The following KIRREL3 variants were observed in gnomAD, a reference collection of about 807,000 sequenced individuals.
KIRREL3 encodes the protein kirre like nephrin family adhesion molecule 3.
In KIRREL3, 36 loss-of-function variants were observed where a neutral mutation model predicts 89.7. The ratio of observed to expected loss-of-function variants is 0.40; its 90% CI spans 0.31 to 0.53. The LOEUF (loss-of-function observed/expected upper bound fraction) is 0.53. Ranked by LOEUF, KIRREL3 falls within the 20% of genes least tolerant of loss-of-function variation. The pLI is 0.49. For missense variants in KIRREL3, 864 were observed against 1,056.6 expected (o/e 0.82, Z 2.53); for synonymous variants, 445 against 441.4 (o/e 1.01, Z -0.10).
chr11:126,617,771 A>G (rs1033236155), intron 1 of KIRREL3, among the ~76,000 whole-genome samples: 2 of 152,250 alleles, frequency 1.3e-5, no homozygotes, highest in African/African-American at 4.8e-5. Context: ...ACAGAGGTTA[A>G]CTGACTTGCT....
At chr11:126,938,477 T>C (rs1050658065) in intron 1 of KIRREL3, among the ~76,000 whole-genome samples, 1 of 152,216 alleles carries the variant, frequency 6.6e-6, no homozygotes, top group African/African-American at 2.4e-5. Context: ...AGGTAGTAAG[T>C]GGTAGGGCCA....
In KIRREL3 at chr11:126,704,949, C is replaced by T. The variant is rs950682230; in HGVS notation, c.56-142037G>A. 5.9e-5 allele frequency among the ~76,000 whole-genome samples: 9 copies of T among 152,186 alleles called. No homozygotes were observed. The highest frequency in any genetic ancestry group is 2.2e-4 in the African/African-American group (9 of 41,450). ...TGGCCACCTTGCTAAAAACTGTCAG[C>T]CAGCTCTAGGCAGCTCCAGAGCTGT... On this transcript the variant is annotated intron_variant, in intron 1 of 16. Coordinates refer to ENST00000525144, the MANE Select transcript of KIRREL3 (RefSeq NM_032531.4). This position sits in a 1 kb window ranked among gnomAD's most constrained non-coding sequence, Gnocchi z 4.2.
chr11:126,478,549 G>A (rs1317355908), intron 4 of KIRREL3, among the ~76,000 whole-genome samples: 5 of 151,984 alleles, frequency 3.3e-5, no homozygotes, highest in East Asian at 3.9e-4. Flanking sequence ...GTACATGTGT[G>A]TATATGTGTG....
In KIRREL3 at chr11:126,965,542, C is replaced by T. The variant is rs188536732; in HGVS notation, c.55+34913G>A. Among the ~76,000 whole-genome samples, 5 of 152,196 alleles carry T rather than the reference C, an allele frequency of 3.3e-5. No individual in the cohort carries two copies. The highest frequency in any genetic ancestry group is 6.5e-5 in the Admixed American group (1 of 15,280). On this transcript the variant is annotated intron_variant, in intron 1 of 16. Transcript: ENST00000525144. The surrounding 1 kb of genome is among the most constrained non-coding windows in gnomAD (Gnocchi z 4.4). ...GGAACCCTATTGTGAAAGACTAACA[C>T]GTGCGTCATTGCCATTTGAATTCAC...
chr11:126,484,191 T>C lies in KIRREL3; in HGVS notation c.434-10725A>G, dbSNP rs927644195. On this transcript the variant is annotated intron_variant, in intron 4 of 16. Coordinates refer to ENST00000525144, the MANE Select transcript of KIRREL3 (RefSeq NM_032531.4). The surrounding 1 kb of genome is among the most constrained non-coding windows in gnomAD (Gnocchi z 5.2). ...GCCCCCTCCCCACCTGAGCACCTCT[T>C]ACACTGGTCCTCACCACATCTCTAT... Among the ~76,000 whole-genome samples the C allele has an allele frequency of 6.6e-6, 1 of 152,212 alleles. No individual in the cohort carries two copies. The highest frequency in any genetic ancestry group is 2.4e-5 in the African/African-American group (1 of 41,458).
Position 126,931,048 on chromosome 11 carries a change from A to G in KIRREL3, c.55+69407T>C, listed in dbSNP as rs779667421. Among the ~76,000 whole-genome samples, 1 of 152,124 alleles carries G rather than the reference A, an allele frequency of 6.6e-6. No homozygotes were observed. The highest frequency in any genetic ancestry group is 1.5e-5 in the Non-Finnish European group (1 of 68,024). On this transcript the variant is annotated intron_variant, in intron 1 of 16. Coordinates refer to ENST00000525144, the MANE Select transcript of KIRREL3 (RefSeq NM_032531.4). The surrounding 1 kb of genome is among the most constrained non-coding windows in gnomAD (Gnocchi z 5.1). ...CTCACACAGGACGAGTGTAGACAGC[A>G]CCTTCTCTCAGAAAGCTTTGGGCAG...
At position 126,924,623 on chromosome 11, in the gene KIRREL3, C is replaced by G. The variant is rs369007620; in HGVS notation, c.55+75832G>C. Among the ~76,000 whole-genome samples the G allele has an allele frequency of 6.6e-6, 1 of 152,116 alleles. No homozygotes were observed. The highest frequency in any genetic ancestry group is 1.5e-5 in the Non-Finnish European group (1 of 68,010). On this transcript the variant is annotated intron_variant, in intron 1 of 16. Coordinates refer to ENST00000525144, the MANE Select transcript of KIRREL3 (RefSeq NM_032531.4). The surrounding 1 kb of genome is among the most constrained non-coding windows in gnomAD (Gnocchi z 4.7). ...GAGTAGTCTTGATTTAAAGGCAGGG[C>G]TGTTGGGGGATTTGGAAGAAGTGTT... is the stretch of plus-strand genomic sequence containing the variant.
chr11:126,869,969 C>T (rs1945052424), intron 1 of KIRREL3, among the ~76,000 whole-genome samples: 1 of 152,142 alleles, frequency 6.6e-6, no homozygotes, highest in South Asian at 2.1e-4. Context: ...CCTGTTGTAC[C>T]ACCCCTGAGT....
At chr11:126,626,362 T>C (rs1424060057) in intron 1 of KIRREL3, among the ~76,000 whole-genome samples, 1 of 152,214 alleles carries the variant, frequency 6.6e-6, no homozygotes, top group Non-Finnish European at 1.5e-5. Context: ...ACCAGCACAC[T>C]TGACTTTGAT....
intron 1 of KIRREL3, among the ~76,000 whole-genome samples, chr11:126,774,606 T>C (rs1005180937): frequency 3.9e-5 from 6 of 152,174 alleles, no homozygotes; most frequent in Admixed American, 2.6e-4. Flanking sequence ...GCCTGCACGC[T>C]CTGCACCCAA....
At position 126,607,967 on chromosome 11, in the gene KIRREL3, G is replaced by A. The variant is rs926763945; in HGVS notation, c.56-45055C>T. ...ACTGCTCAGCCCCATCGCAGCAAGG[G>A]CCCGAGGAACGAGCACGTCAGCTGT... On this transcript the variant is annotated intron_variant, in intron 1 of 16. Coordinates refer to ENST00000525144, the MANE Select transcript of KIRREL3 (RefSeq NM_032531.4). The surrounding 1 kb of genome is among the most constrained non-coding windows in gnomAD (Gnocchi z 6.6). Among the ~76,000 whole-genome samples, 1 of 152,186 alleles carries A rather than the reference G, an allele frequency of 6.6e-6. No individual in the cohort carries two copies. Among genetic ancestry groups the A allele is most frequent in the Non-Finnish European group, 1.5e-5 (1 of 68,036 alleles).
At chr11:126,889,671 T>G (rs934191297) in intron 1 of KIRREL3, among the ~76,000 whole-genome samples, 1 of 152,212 alleles carries the variant, frequency 6.6e-6, no homozygotes, top group African/African-American at 2.4e-5. Flanking sequence ...TTCAGTACGT[T>G]TTATTGGAAC....
intron 1 of KIRREL3, among the ~76,000 whole-genome samples, chr11:126,930,528 G>T (rs1160355141): frequency 6.6e-6 from 1 of 152,134 alleles, no homozygotes; most frequent in African/African-American, 2.4e-5. Context: ...CATCAGGAGG[G>T]TTCTCCTTCT....
At position 126,808,450 on chromosome 11, in the gene KIRREL3, T is replaced by A. The variant is rs73024537; in HGVS notation, c.55+192005A>T. On this transcript the variant is annotated intron_variant, in intron 1 of 16. Coordinates refer to ENST00000525144, the MANE Select transcript of KIRREL3 (RefSeq NM_032531.4). This position sits in a 1 kb window ranked among gnomAD's most constrained non-coding sequence, Gnocchi z 4.1. ...AAGATGTAGAGCAGTTATTAAGGCC[T>A]TAAGATAAAGGCAGTTTTTCATGGG... 6.6e-6 allele frequency among the ~76,000 whole-genome samples: 1 copy of A among 151,938 alleles called. No individual in the cohort carries two copies. Among genetic ancestry groups the A allele is most frequent in the Admixed American group, 6.6e-5 (1 of 15,242 alleles).
chr11:126,869,337 C>T (rs1048492373), intron 1 of KIRREL3, among the ~76,000 whole-genome samples: 1 of 152,036 alleles, frequency 6.6e-6, no homozygotes, highest in Non-Finnish European at 1.5e-5. Flanking sequence ...CTGCCATACT[C>T]ATGACTTGCT....
In KIRREL3 at chr11:126,985,106, T is replaced by TC. The variant is rs1342383728; in HGVS notation, c.55+15348dup. ...GAAGGATTAAATTATTATCACCTTT[T>TC]CCCCAAGGAGGACTCGGTGCTCATA... On this transcript the variant is annotated intron_variant, in intron 1 of 16. Transcript: ENST00000525144. This position sits in a 1 kb window ranked among gnomAD's most constrained non-coding sequence, Gnocchi z 5.3. Among the ~76,000 whole-genome samples, 1 of 152,100 alleles carries TC rather than the reference T, an allele frequency of 6.6e-6. No individual in the cohort carries two copies. Among genetic ancestry groups the TC allele is most frequent in the Non-Finnish European group, 1.5e-5 (1 of 68,022 alleles).
At chr11:126,456,039 GT>G (rs745805898) in intron 7 of KIRREL3, among the ~76,000 whole-genome samples, 14,545 of 68,208 alleles carry the variant, frequency 0.21, 1,239 homozygotes, top group East Asian at 0.49. Context: ...TTTTGTTTTC[GT>G]TTTTTTTTTT....
In KIRREL3 at chr11:127,000,302, C is replaced by T. The variant is rs948516736; in HGVS notation, c.55+153G>A. ...TACCATTTTGTTGCATTCGCAAAGG[C>T]GAAGAGGCAATGCCAGAGCATCTCA... On this transcript the variant is annotated intron_variant, in intron 1 of 16. Coordinates refer to ENST00000525144, the MANE Select transcript of KIRREL3 (RefSeq NM_032531.4). The surrounding 1 kb of genome is among the most constrained non-coding windows in gnomAD (Gnocchi z 7.1). 6.6e-6 allele frequency among the ~76,000 whole-genome samples: 1 copy of T among 152,192 alleles called. No individual in the cohort carries two copies. Among genetic ancestry groups the T allele is most frequent in the African/African-American group, 2.4e-5 (1 of 41,446 alleles).
chr11:126,671,764 GA>G (rs1207060545), intron 1 of KIRREL3, among the ~76,000 whole-genome samples: 4 of 152,166 alleles, frequency 2.6e-5, no homozygotes, highest in Admixed American at 6.5e-5. Context: ...CTAAAATCCA[GA>G]AAAGCTGACA....
Sources: allele counts gnomAD v4.1 joint callset (sites outside exome capture counted in the v4.1 genomes callset), GRCh38; gene constraint gnomAD v4.1.1; non-coding constraint Gnocchi (gnomAD v3.1); transcripts MANE v1.5; gene names NCBI Gene and HGNC (gene_info 2026-07-23, HGNC 2026-07-21).